TSHZ2: variants seen among roughly 807,000 people sequenced by gnomAD.
TSHZ2 encodes teashirt homolog 2.
Under a neutral mutation model 74.4 loss-of-function variants are expected in TSHZ2, and 21 were observed. The observed-to-expected ratio is 0.28, with a 90% CI of 0.20 to 0.41. The LOEUF is 0.41. Ranked by LOEUF, TSHZ2 falls within the 10% of genes least tolerant of loss-of-function variation. TSHZ2 has a pLI of 1.00. For synonymous variants in TSHZ2, 540 were observed against 515.3 expected (o/e 1.05, Z -0.65); for missense variants, 1,244 against 1,293.5 (o/e 0.96, Z 0.59).
chr20:53,440,577 A>G (rs1237090311), intron 2 of TSHZ2, among the ~76,000 whole-genome samples: 2 of 152,196 alleles, frequency 1.3e-5, no homozygotes, highest in African/African-American at 4.8e-5. Flanking sequence ...GCAGTGGGGA[A>G]GACAGGCCAC....
intron 1 of TSHZ2, 51 bp from the exon 2 acceptor site, chr20:53,253,448 T>C: frequency 6.6e-7 from 1 of 1,526,178 alleles, no homozygotes; most frequent in Non-Finnish European, 8.8e-7. Flanking sequence ...GAAATTGGAA[T>C]GGAATATGGA....
At chr20:53,150,856 GA>G (rs1987661334) in intron 1 of TSHZ2, among the ~76,000 whole-genome samples, 1 of 152,194 alleles carries the variant, frequency 6.6e-6, no homozygotes, top group Non-Finnish European at 1.5e-5. Context: ...CAGAAACACT[GA>G]AATTGGGCTG....
At chr20:53,100,797 G>A (rs769782167) in intron 1 of TSHZ2, among the ~76,000 whole-genome samples, 4 of 152,068 alleles carry the variant, frequency 2.6e-5, no homozygotes, top group Admixed American at 6.5e-5. Flanking sequence ...CACACTCCTC[G>A]CTTAAGGCAA....
chr20:53,133,653 C>G (rs1199684521), intron 1 of TSHZ2, among the ~76,000 whole-genome samples: 2 of 151,886 alleles, frequency 1.3e-5, no homozygotes, highest in African/African-American at 4.8e-5. Flanking sequence ...TTCAGTGTTC[C>G]AAGAAAAACT....
chr20:53,309,143 T>C (rs1978673650), intron 2 of TSHZ2, among the ~76,000 whole-genome samples: 1 of 152,218 alleles, frequency 6.6e-6, no homozygotes, highest in African/African-American at 2.4e-5. Flanking sequence ...AGGAATTATC[T>C]GGACAGCCCA....
intron 1 of TSHZ2, among the ~76,000 whole-genome samples, chr20:53,044,735 G>A (rs1014803521): frequency 2.6e-5 from 4 of 152,058 alleles, no homozygotes; most frequent in African/African-American, 9.7e-5. Flanking sequence ...TTAGACATGG[G>A]GTCTCACTGT....
chr20:53,232,221 T>C (rs547581297), intron 1 of TSHZ2, among the ~76,000 whole-genome samples: 1 of 152,320 alleles, frequency 6.6e-6, no homozygotes, highest in Non-Finnish European at 1.5e-5. Context: ...ACACTGATAC[T>C]GAACAATGTC....
chr20:53,106,915 C>T (rs1330738574), intron 1 of TSHZ2, among the ~76,000 whole-genome samples: 1 of 150,772 alleles, frequency 6.6e-6, no homozygotes, highest in East Asian at 2.0e-4. Context: ...CCGGGGTGAT[C>T]TTGAACTCCT....
intron 2 of TSHZ2, among the ~76,000 whole-genome samples, chr20:53,418,685 G>T (rs542447838): frequency 6.6e-6 from 1 of 152,192 alleles, no homozygotes; most frequent in Non-Finnish European, 1.5e-5. Flanking sequence ...ATGAGATTTA[G>T]GTGGGGACAC....
chr20:53,337,968 A>C (rs1980022595), intron 2 of TSHZ2, among the ~76,000 whole-genome samples: 1 of 152,204 alleles, frequency 6.6e-6, no homozygotes, highest in South Asian at 2.1e-4. Flanking sequence ...ACAGGCTCAA[A>C]GCTATGTTGT....
intron 2 of TSHZ2, among the ~76,000 whole-genome samples, chr20:53,444,421 C>T (rs1472653678): frequency 6.6e-6 from 1 of 151,970 alleles, no homozygotes; most frequent in Non-Finnish European, 1.5e-5. Flanking sequence ...GAGTGGGCAC[C>T]GAGGGAACAG....
chr20:53,425,006 C>T (rs1301669686), intron 2 of TSHZ2, among the ~76,000 whole-genome samples: 1 of 152,118 alleles, frequency 6.6e-6, no homozygotes, highest in African/African-American at 2.4e-5. Context: ...TGCTATTGTG[C>T]ATAGTGCTGC....
At chr20:53,383,544 G>A (rs1981934419) in intron 2 of TSHZ2, among the ~76,000 whole-genome samples, 1 of 152,096 alleles carries the variant, frequency 6.6e-6, no homozygotes, top group Non-Finnish European at 1.5e-5. Context: ...TGGATCACTT[G>A]AGGCCATGAA....
chr20:53,369,313 G>A (rs909285463), intron 2 of TSHZ2, among the ~76,000 whole-genome samples: 1 of 152,168 alleles, frequency 6.6e-6, no homozygotes, highest in African/African-American at 2.4e-5. Context: ...TCCATGCCAA[G>A]GAGGTGACAA....
chr20:53,145,030 G>A (rs1430386332), intron 1 of TSHZ2, among the ~76,000 whole-genome samples: 2 of 152,176 alleles, frequency 1.3e-5, no homozygotes, highest in African/African-American at 4.8e-5. Context: ...ATGAAGCAGG[G>A]AGAAATGTAA....
chr20:52,986,381 G>A, intron 1 of TSHZ2, among the ~76,000 whole-genome samples: 1 of 141,232 alleles, frequency 7.1e-6, no homozygotes, highest in Non-Finnish European at 1.5e-5. Flanking sequence ...TCCAGCCTGG[G>A]CAATGGAGCA....
intron 2 of TSHZ2, among the ~76,000 whole-genome samples, chr20:53,432,274 TTCTG>T (rs1284930941): frequency 6.6e-6 from 1 of 152,206 alleles, no homozygotes; most frequent in Non-Finnish European, 1.5e-5. Context: ...TGGCCTCCAG[TTCTG>T]TCTAAGTTGC....
At position 53,253,869 on chromosome 20, in the gene TSHZ2, C is replaced by T; in HGVS notation, c.411C>T (p.Tyr137=). 6.2e-7 allele frequency: 1 copy of T among 1,614,216 alleles called. No individual in the cohort carries two copies. Among genetic ancestry groups the T allele is most frequent in the Admixed American group, 1.7e-5 (1 of 60,034 alleles). The change falls in exon 2 of 3, where the codon TAC becomes TAT. Residue 137 remains tyrosine, a synonymous_variant. Coordinates refer to ENST00000371497, the MANE Select transcript of TSHZ2 (RefSeq NM_173485.6). ...ACGCCAACATCCTGTCGGATTCCTA[C>T]TGGTCAGGCCTGGGCCTTGGCTTCA... ...AVYANILSDS[Y]WSGLGLGFKL... is the part of the protein sequence containing the mutation.
At chr20:53,483,496 A>C (rs1259485286) in intron 2 of TSHZ2, among the ~76,000 whole-genome samples, 3 of 152,168 alleles carry the variant, frequency 2.0e-5, no homozygotes, top group African/African-American at 7.2e-5. Context: ...GGGTGACAGA[A>C]CAAAACCCTG....
Sources: gnomAD v4.1 joint callset for allele counts (sites outside exome capture counted in the v4.1 genomes callset) on GRCh38, gnomAD v4.1.1 for gene constraint, MANE v1.5 for transcripts, NCBI Gene and HGNC (gene_info 2026-07-23, HGNC 2026-07-21) for gene names.